UVRAG: variants seen among roughly 807,000 people sequenced by gnomAD.
UVRAG encodes the protein UV radiation resistance-associated gene protein.
UVRAG carries 19 observed loss-of-function variants against 78.0 expected under a neutral mutation model. That is an observed-to-expected ratio of 0.24 (90% CI 0.17 to 0.36). UVRAG has a LOEUF of 0.36. Ranked by LOEUF, UVRAG falls within the 10% of genes least tolerant of loss-of-function variation. The probability of loss-of-function intolerance (pLI) is 1.00; values close to 1 mark genes in which losing one functional copy is unlikely to be tolerated. For synonymous variants in UVRAG, 323 were observed against 324.6 expected, an observed-to-expected ratio of 1.00 and a Z score of 0.05; for missense variants, 740 against 853.8, an observed-to-expected ratio of 0.87 and a Z score of 1.66.
intron 5 of UVRAG, among the ~76,000 whole-genome samples, chr11:75,892,068 T>G (rs957787122): frequency 2.6e-5 from 4 of 152,220 alleles, no homozygotes; most frequent in African/African-American, 9.7e-5. Flanking sequence ...ATACTTCCTC[T>G]TGGACTGAAC....
chr11:75,990,322 A>G (rs1949580573), intron 8 of UVRAG, among the ~76,000 whole-genome samples: 1 of 152,174 alleles, frequency 6.6e-6, no homozygotes, highest in African/African-American at 2.4e-5. Context: ...TAATAGTAAT[A>G]CTTAAAACTG....
intron 12 of UVRAG, among the ~76,000 whole-genome samples, chr11:76,045,808 A>T (rs1591172258): frequency 6.6e-6 from 1 of 152,248 alleles, no homozygotes; most frequent in Admixed American, 6.5e-5. Flanking sequence ...AGTGAGTACA[A>T]AAAAGAAACA....
At chr11:75,839,862 T>TAGAGAGAG (rs1555071898) in intron 1 of UVRAG, among the ~76,000 whole-genome samples, 1 of 148,924 alleles carries the variant, frequency 6.7e-6, no homozygotes, top group African/African-American at 2.5e-5. Context: ...CATATATATA[T>TAGAGAGAG]AGAGAGAGAG....
chr11:75,899,541 G>A (rs1020990233), intron 5 of UVRAG, among the ~76,000 whole-genome samples: 10 of 152,110 alleles, frequency 6.6e-5, no homozygotes, highest in Admixed American at 3.3e-4. Context: ...AGATGGCATA[G>A]GTGGTGAATA....
intron 5 of UVRAG, among the ~76,000 whole-genome samples, chr11:75,894,984 A>G (rs1451819235): frequency 5.3e-5 from 8 of 152,214 alleles, no homozygotes; most frequent in Non-Finnish European, 1.0e-4. Context: ...TGTAATCACA[A>G]TAATTATAAA....
chr11:75,954,215 CTCTG>C (rs555584391), intron 6 of UVRAG, among the ~76,000 whole-genome samples: 105 of 152,258 alleles, frequency 6.9e-4, no homozygotes, highest in African/African-American at 2.1e-3. Context: ...GGAAATGTGA[CTCTG>C]TCTGTGTGTT....
chr11:76,013,548 A>G (rs977517216), intron 11 of UVRAG, among the ~76,000 whole-genome samples: 7 of 152,206 alleles, frequency 4.6e-5, no homozygotes, highest in African/African-American at 1.7e-4. Context: ...CTTACTGGAA[A>G]AGCACACCCC....
chr11:75,965,431 C>A (rs1261423508), intron 7 of UVRAG, among the ~76,000 whole-genome samples: 1 of 152,218 alleles, frequency 6.6e-6, no homozygotes, highest in Non-Finnish European at 1.5e-5. Flanking sequence ...CCTGCCTCAG[C>A]CTCCCGAGTA....
At chr11:75,968,918 AGAT>A (rs1198904904) in intron 7 of UVRAG, among the ~76,000 whole-genome samples, 2 of 152,234 alleles carry the variant, frequency 1.3e-5, no homozygotes, top group Non-Finnish European at 2.9e-5. Context: ...AAGAAAACTC[AGAT>A]TGTTTCTTCG....
chr11:75,851,121 A>C (rs772932652), intron 1 of UVRAG, among the ~76,000 whole-genome samples: 2 of 152,260 alleles, frequency 1.3e-5, no homozygotes, highest in Non-Finnish European at 2.9e-5. Flanking sequence ...TGCTGTGCCC[A>C]GACTTCAGCG....
At chr11:76,110,388 G>A (rs1952049131) in intron 13 of UVRAG, among the ~76,000 whole-genome samples, 1 of 152,114 alleles carries the variant, frequency 6.6e-6, no homozygotes, top group Non-Finnish European at 1.5e-5. Flanking sequence ...GAATCTCAGA[G>A]AAGTGACTTA....
chr11:76,032,569 T>C (rs1286551078), intron 12 of UVRAG, among the ~76,000 whole-genome samples: 1 of 152,176 alleles, frequency 6.6e-6, no homozygotes, highest in African/African-American at 2.4e-5. Context: ...TTAGGTAAAG[T>C]TACCTGGCTC....
chr11:75,893,208 C>T (rs1334005243), intron 5 of UVRAG, among the ~76,000 whole-genome samples: 1 of 151,430 alleles, frequency 6.6e-6, no homozygotes, highest in Non-Finnish European at 1.5e-5. Flanking sequence ...AGAATTATTC[C>T]TTCCTAAAAC....
In UVRAG at chr11:75,824,719, G is replaced by A. The variant is rs375312886; in HGVS notation, c.117+9195G>A. ...GGCGGAGTCTCACTCTGTCGCCCAG[G>A]CTGGAGTGCAGTGGCACGATCTCGG... On this transcript the variant is annotated intron_variant, in intron 1 of 14. Coordinates refer to ENST00000356136, the MANE Select transcript of UVRAG (RefSeq NM_003369.4). Among the ~76,000 whole-genome samples, 8 of 145,992 alleles carry A rather than the reference G, an allele frequency of 5.5e-5. No individual in the cohort carries two copies. The East Asian group carries it at 1.2e-3, about 22-fold the overall frequency.
chr11:75,825,600 A>G (rs1353105390), intron 1 of UVRAG, among the ~76,000 whole-genome samples: 1 of 152,194 alleles, frequency 6.6e-6, no homozygotes, highest in East Asian at 1.9e-4. Flanking sequence ...TAAGATGGAA[A>G]CATGAATTTT....
intron 2 of UVRAG, among the ~76,000 whole-genome samples, chr11:75,860,572 A>G (rs1946396097): frequency 6.6e-6 from 1 of 152,214 alleles, no homozygotes; most frequent in Admixed American, 6.5e-5. Context: ...ACATAAATAC[A>G]TACATTTCTA....
intron 5 of UVRAG, among the ~76,000 whole-genome samples, chr11:75,891,174 C>G (rs1047268609): frequency 2.0e-4 from 31 of 152,180 alleles, no homozygotes; most frequent in Admixed American, 6.5e-5. Flanking sequence ...CACTTTGCAA[C>G]TAGGCTTGTC....
intron 13 of UVRAG, among the ~76,000 whole-genome samples, chr11:76,091,066 A>G (rs995891957): frequency 2.6e-5 from 4 of 152,226 alleles, no homozygotes; most frequent in African/African-American, 9.6e-5. Flanking sequence ...TTCCTAAGAA[A>G]GCATGCATGG....
intron 8 of UVRAG, among the ~76,000 whole-genome samples, chr11:75,993,587 C>G (rs906875956): frequency 6.6e-6 from 1 of 152,074 alleles, no homozygotes; most frequent in African/African-American, 2.4e-5. Flanking sequence ...ACACAACCCC[C>G]AAATCTTTGA....
Sources: allele counts gnomAD v4.1 joint callset (sites outside exome capture counted in the v4.1 genomes callset), GRCh38; gene constraint gnomAD v4.1.1; transcripts MANE v1.5; gene names NCBI Gene and HGNC (gene_info 2026-07-23, HGNC 2026-07-21).